ESRRG: variants seen among roughly 807,000 people sequenced by gnomAD.
The protein encoded by ESRRG is estrogen related receptor gamma.
In ESRRG, 13 loss-of-function variants were observed where a neutral mutation model predicts 44.0. The ratio of observed to expected loss-of-function variants is 0.30; its 90% confidence interval spans 0.19 to 0.47. The LOEUF is 0.47. Ranked by LOEUF, ESRRG falls within the 20% of genes least tolerant of loss-of-function variation. The pLI is 1.00. For synonymous variants in ESRRG, 215 were observed against 214.6 expected (o/e 1.00, Z -0.02); for missense variants, 395 against 580.6 (o/e 0.68, Z 3.29).
At chr1:216,748,591 C>T (rs1279851766) in intron 2 of ESRRG, among the ~76,000 whole-genome samples, 1 of 152,142 alleles carries the variant, frequency 6.6e-6, no homozygotes, top group African/African-American at 2.4e-5. Flanking sequence ...CCTCTTATTT[C>T]TCTTGTGTTT....
chr1:216,996,858 C>A (rs1473186066), intron 1 of ESRRG, among the ~76,000 whole-genome samples: 1 of 152,108 alleles, frequency 6.6e-6, no homozygotes, highest in Non-Finnish European at 1.5e-5. Flanking sequence ...AACCTATGGC[C>A]CCAATGAGAC....
intron 1 of ESRRG, among the ~76,000 whole-genome samples, chr1:216,957,183 C>T (rs1303593461): frequency 6.6e-6 from 1 of 152,090 alleles, no homozygotes; most frequent in African/African-American, 2.4e-5. Flanking sequence ...GATTGTTGCT[C>T]ACCTCCCAGT....
intron 2 of ESRRG, among the ~76,000 whole-genome samples, chr1:216,876,657 G>A (rs2096359347): frequency 1.3e-5 from 2 of 151,144 alleles, no homozygotes; most frequent in Admixed American, 6.6e-5. Flanking sequence ...TGCATCTTAT[G>A]GTTTTGGAAA....
intron 2 of ESRRG, among the ~76,000 whole-genome samples, chr1:216,882,514 A>G (rs2096461693): frequency 6.6e-6 from 1 of 152,252 alleles, no homozygotes; most frequent in African/African-American, 2.4e-5. Flanking sequence ...TAAACAAAAT[A>G]CAGACTGTGT....
intron 1 of ESRRG, among the ~76,000 whole-genome samples, chr1:217,127,120 T>C (rs966325645): frequency 1.3e-5 from 2 of 152,238 alleles, no homozygotes; most frequent in African/African-American, 4.8e-5. Context: ...TGTGTTGGTG[T>C]TTCTTACTCT....
intron 3 of ESRRG, among the ~76,000 whole-genome samples, chr1:216,604,877 T>C (rs2059718061): frequency 6.6e-6 from 1 of 152,232 alleles, no homozygotes; most frequent in Admixed American, 6.5e-5. Context: ...TTTCACCAAA[T>C]ACACTGTAAC....
chr1:216,827,552 T>C lies in ESRRG; in HGVS notation c.-14+112030A>G, dbSNP rs142148910. Among the ~76,000 whole-genome samples, 8 of 152,324 alleles carry C rather than the reference T, an allele frequency of 5.3e-5. No homozygotes were observed. The East Asian group carries it at 1.5e-3, about 29-fold the overall frequency. ...GTCTTCGTATGCAAGTGAAGTTCTT[T>C]AAAATTCTCTAGCTATCCATAATTT... is the stretch of plus-strand genomic sequence containing the variant. On this transcript the variant is annotated intron_variant, in intron 2 of 7. Coordinates refer to the ESRRG transcript ENST00000359162.
chr1:217,090,247 C>T (rs901930455), upstream of ESRRG, among the ~76,000 whole-genome samples: 6 of 152,056 alleles, frequency 3.9e-5, no homozygotes. Context: ...ACATTCAGTG[C>T]CAACTGCTCC....
intron 1 of ESRRG, among the ~76,000 whole-genome samples, chr1:217,047,344 A>G (rs986612445): frequency 6.6e-6 from 1 of 152,128 alleles, no homozygotes; most frequent in Non-Finnish European, 1.5e-5. Context: ...CTCCCAACCA[A>G]TTCTTTTTCC....
At chr1:217,046,435 A>G (rs894936475) in intron 1 of ESRRG, among the ~76,000 whole-genome samples, 9 of 152,162 alleles carry the variant, frequency 5.9e-5, no homozygotes, top group South Asian at 2.1e-4. Context: ...ATGGCTTTCC[A>G]TTACCCACCT....
At chr1:216,833,219 T>TAA (rs113601574) in intron 2 of ESRRG, among the ~76,000 whole-genome samples, 1 of 150,774 alleles carries the variant, frequency 6.6e-6, no homozygotes, top group Non-Finnish European at 1.5e-5. Context: ...GCATATTTTC[T>TAA]AAAAAAAAAC....
At chr1:216,803,832 A>T (rs2148347892) in intron 2 of ESRRG, among the ~76,000 whole-genome samples, 1 of 152,096 alleles carries the variant, frequency 6.6e-6, no homozygotes, top group East Asian at 1.9e-4. Context: ...CACTGTTAAG[A>T]GTTTTATTCC....
intron 1 of ESRRG, among the ~76,000 whole-genome samples, chr1:217,070,539 TCTGG>T (rs1379737904): frequency 6.6e-6 from 1 of 152,056 alleles, no homozygotes; most frequent in East Asian, 1.9e-4. Context: ...TGCCACCAGG[TCTGG>T]CTAATTTTTG....
chr1:216,628,453 C>A (rs372561077), intron 3 of ESRRG, among the ~76,000 whole-genome samples: 65 of 152,226 alleles, frequency 4.3e-4, no homozygotes, highest in African/African-American at 1.5e-3. Context: ...AGCTAACAGC[C>A]AATTTGGAGT....
chr1:216,896,861 G>T (rs2058484749), intron 2 of ESRRG, among the ~76,000 whole-genome samples: 1 of 152,126 alleles, frequency 6.6e-6, no homozygotes, highest in African/African-American at 2.4e-5. Flanking sequence ...GACATCTCTT[G>T]GGTCCTATCC....
chr1:216,563,466 A>T (rs1427108374), intron 5 of ESRRG, among the ~76,000 whole-genome samples: 1 of 152,220 alleles, frequency 6.6e-6, no homozygotes, highest in African/African-American at 2.4e-5. Context: ...AACTAGTTTA[A>T]GGAGACAGAA....
chr1:216,827,624 C>T (rs1390068814), intron 2 of ESRRG, among the ~76,000 whole-genome samples: 1 of 152,126 alleles, frequency 6.6e-6, no homozygotes, highest in Non-Finnish European at 1.5e-5. Context: ...TTCATTTGAC[C>T]TCTTAAATTG....
intron 5 of ESRRG, among the ~76,000 whole-genome samples, chr1:216,541,561 AGTGTGT>A (rs34245595): frequency 0.013 from 1,668 of 130,376 alleles, 23 homozygotes; most frequent in Admixed American, 0.043. Flanking sequence ...TCTTTTGGTT[AGTGTGT>A]GTGTGTGTGT....
intron 1 of ESRRG, among the ~76,000 whole-genome samples, chr1:217,037,531 T>A (rs2083119335): frequency 6.6e-6 from 1 of 152,148 alleles, no homozygotes; most frequent in South Asian, 2.1e-4. Flanking sequence ...CATCTCCTAC[T>A]GAGTCCCTCT....
Sources: gnomAD v4.1 joint callset for allele counts (sites outside exome capture counted in the v4.1 genomes callset) on GRCh38, gnomAD v4.1.1 for gene constraint, MANE v1.5 for transcripts, NCBI Gene and HGNC (gene_info 2026-07-23, HGNC 2026-07-21) for gene names.